Variants in SNCAIP observed in about 807,000 individuals in gnomAD.
The protein encoded by SNCAIP is synphilin-1.
SNCAIP carries 43 observed loss-of-function variants against 86.7 expected under a neutral mutation model. The ratio of observed to expected loss-of-function variants is 0.50; its 90% CI spans 0.39 to 0.64. SNCAIP has a LOEUF of 0.64. Among genes scored for constraint, SNCAIP ranks in the 30% least tolerant of loss-of-function variants. SNCAIP has a pLI of 0.00. For synonymous variants in SNCAIP, 417 were observed against 427.2 expected, an observed-to-expected ratio of 0.98 and a Z score of 0.29; for missense variants, 981 against 1,103.1, an observed-to-expected ratio of 0.89 and a Z score of 1.57.
chr5:122,340,216 A>C (rs1163199071), intron 1 of SNCAIP, among the ~76,000 whole-genome samples: 1 of 152,028 alleles, frequency 6.6e-6, no homozygotes, highest in Non-Finnish European at 1.5e-5. Context: ...TTGTTTGTTC[A>C]CTGGAGAACA....
chr5:122,369,086 A>G (rs961183026), intron 1 of SNCAIP, among the ~76,000 whole-genome samples: 9 of 152,186 alleles, frequency 5.9e-5, no homozygotes, highest in African/African-American at 2.2e-4. Context: ...GATGCTCCAC[A>G]CTGATCTTCA....
At chr5:122,434,975 A>G (rs1779104223) in intron 6 of SNCAIP, among the ~76,000 whole-genome samples, 1 of 152,160 alleles carries the variant, frequency 6.6e-6, no homozygotes, top group Non-Finnish European at 1.5e-5. Flanking sequence ...TCTGCCCTTC[A>G]TATAGATTCC....
chr5:122,422,778 A>C, intron 3 of SNCAIP, 90 bp from the exon 4 acceptor site: 1 of 1,061,708 alleles, frequency 9.4e-7, no homozygotes, highest in Non-Finnish European at 1.5e-6. Flanking sequence ...TAATTTGAAC[A>C]TAATGTGAAT....
intron 10 of SNCAIP, among the ~76,000 whole-genome samples, chr5:122,459,738 A>G (rs889329232): frequency 1.4e-4 from 21 of 152,228 alleles, no homozygotes; most frequent in African/African-American, 2.9e-4. Flanking sequence ...TCTTTAGACT[A>G]TGACCAAAAC....
Position 122,385,293 on chromosome 5 carries a change from A to C in SNCAIP, c.-46-5796A>C, listed in dbSNP as rs550925433. 3.9e-5 allele frequency among the ~76,000 whole-genome samples: 6 copies of C among 152,242 alleles called. No homozygotes were observed. The South Asian group carries it at 1.0e-3, about 26-fold the overall frequency. Reference sequence around the variant, plus strand: ...GAATATTCCATAAATGAAGAAGTGGATAAAGTCCACAGGGCTTGTGCTTTT... The same window carrying C: ...GAATATTCCATAAATGAAGAAGTGGCTAAAGTCCACAGGGCTTGTGCTTTT... On this transcript the variant is annotated intron_variant, in intron 1 of 10. Coordinates refer to ENST00000261368, the MANE Select transcript of SNCAIP (RefSeq NM_005460.4).
rs139889934 is a variant in SNCAIP, at chr5:122,386,018, G to T, written c.-46-5071G>T. On this transcript the variant is annotated intron_variant, in intron 1 of 10. Coordinates refer to ENST00000261368, the MANE Select transcript of SNCAIP (RefSeq NM_005460.4). ...AATTTTTCAGTAGAGCAATTTATGT[G>T]ATATGTGACTGTAGTCACAAATCAA... Among the ~76,000 whole-genome samples the T allele has an allele frequency of 2.0e-3, 307 of 152,268 alleles. 3 individuals are homozygous for T. Among genetic ancestry groups the T allele is most frequent in the African/African-American group, 7.0e-3 (290 of 41,556 alleles).
At chr5:122,326,522 A>G (rs1213517632) in intron 1 of SNCAIP, among the ~76,000 whole-genome samples, 1 of 149,204 alleles carries the variant, frequency 6.7e-6, no homozygotes, top group Admixed American at 6.7e-5. Context: ...TTCAAACCTC[A>G]TGAGTGTATC....
Position 122,423,136 on chromosome 5 carries a change from C to T in SNCAIP, c.399C>T (p.Ser133=), listed in dbSNP as rs368941977. The change falls in exon 4 of 11, where the codon AGC becomes AGT. Residue 133 remains serine, a synonymous_variant. Coordinates refer to ENST00000261368, the MANE Select transcript of SNCAIP (RefSeq NM_005460.4). ...GDGVGGPPGK[S]SEPSTSLGEL... is the part of the protein sequence containing the mutation. Reference sequence around the variant, plus strand: ...GAGTGGGCGGCCCACCAGGTAAGAGCTCTGAGCCCAGCACATCGCTGGGTG... The same window carrying T: ...GAGTGGGCGGCCCACCAGGTAAGAGTTCTGAGCCCAGCACATCGCTGGGTG... 1 of 1,614,146 alleles carries T rather than the reference C, an allele frequency of 6.2e-7. No homozygotes were observed. Among genetic ancestry groups the T allele is most frequent in the Non-Finnish European group, 8.5e-7 (1 of 1,180,026 alleles).
At chr5:122,444,856 T>C (rs2152984423) in intron 8 of SNCAIP, 124 bp downstream of exon 8, 1 of 839,344 alleles carries the variant, frequency 1.2e-6, no homozygotes, top group East Asian at 2.6e-5. Context: ...AGCATTCTCC[T>C]CTTCTGTTCT....
intron 2 of SNCAIP, chr5:122,401,023 G>T (rs1425764285): frequency 6.5e-7 from 1 of 1,550,136 alleles, no homozygotes; most frequent in African/African-American, 1.4e-5. Context: ...CAAAAGCTTG[G>T]ATTGGAGGAC....
intron 1 of SNCAIP, chr5:122,383,614 A>G (rs1262271234): frequency 6.6e-6 from 1 of 152,264 alleles, no homozygotes; most frequent in East Asian, 1.9e-4. Context: ...CCCTAGACTT[A>G]AAAACTAGTC....
rs781128705 is a variant in SNCAIP at position 122,334,496 on chromosome 5, C to A, written c.-47+22212C>A. 1.3e-4 allele frequency among the ~76,000 whole-genome samples: 20 copies of A among 152,254 alleles called. 1 individual carries two copies. The highest frequency in any genetic ancestry group is 2.9e-4 in the Non-Finnish European group (20 of 68,026). On this transcript the variant is annotated intron_variant, in intron 1 of 10. Transcript: ENST00000261368. The stretch of plus-strand genomic sequence containing the variant: ...AAAATAAGCTGGAAGTCCAGCTGAC[C>A]TATGTTTAAGGTCAACTGTTGACTA...
chr5:122,460,959 C>T (rs1435254922), intron 10 of SNCAIP, among the ~76,000 whole-genome samples: 1 of 152,172 alleles, frequency 6.6e-6, no homozygotes, highest in African/African-American at 2.4e-5. Flanking sequence ...CCTTGTGCTT[C>T]TCTCCTGTTT....
chr5:122,410,763 C>A (rs1352442527), intron 3 of SNCAIP, among the ~76,000 whole-genome samples: 2 of 152,116 alleles, frequency 1.3e-5, no homozygotes, highest in African/African-American at 4.8e-5. Context: ...GCGGAAGTTG[C>A]GGTAAGCCAA....
At chr5:122,355,333 C>T (rs1339949699) in intron 1 of SNCAIP, among the ~76,000 whole-genome samples, 1 of 151,842 alleles carries the variant, frequency 6.6e-6, no homozygotes, top group African/African-American at 2.4e-5. Flanking sequence ...TTTTCAAGTT[C>T]TTTCAAACTA....
chr5:122,411,509 T>C (rs1001479105), intron 3 of SNCAIP, among the ~76,000 whole-genome samples: 9 of 152,174 alleles, frequency 5.9e-5, no homozygotes, highest in South Asian at 2.1e-4. Flanking sequence ...GGCTCTATCT[T>C]CCCATTTCAG....
chr5:122,328,643 A>G (rs1561518500), intron 1 of SNCAIP, among the ~76,000 whole-genome samples: 2 of 152,068 alleles, frequency 1.3e-5, no homozygotes, highest in African/African-American at 4.8e-5. Flanking sequence ...ACTGAATTCT[A>G]CACCTTTCTG....
At chr5:122,463,354 C>A (rs191759626) in intron 10 of SNCAIP, 137 bp from the exon 11 acceptor site, 2 of 653,130 alleles carry the variant, frequency 3.1e-6, no homozygotes, top group Admixed American at 2.3e-5. Flanking sequence ...GAATAATTTG[C>A]GTATTGGAAT....
chr5:122,360,227 T>G (rs1580675308), intron 1 of SNCAIP, among the ~76,000 whole-genome samples: 2 of 152,318 alleles, frequency 1.3e-5, no homozygotes, highest in African/African-American at 4.8e-5. Context: ...GCTCTAAAGA[T>G]TATCCCACAA....
Sources: gnomAD v4.1 joint callset for allele counts (sites outside exome capture counted in the v4.1 genomes callset) on GRCh38, gnomAD v4.1.1 for gene constraint, MANE v1.5 for transcripts, NCBI Gene and HGNC (gene_info 2026-07-23, HGNC 2026-07-21) for gene names.